CADPS: variants seen among roughly 807,000 people sequenced by gnomAD.
CADPS encodes the protein calcium-dependent secretion activator 1.
A neutral mutation model predicts 167.3 loss-of-function variants in CADPS; 57 were observed. The ratio of observed to expected loss-of-function variants is 0.34; its 90% CI spans 0.28 to 0.42. The LOEUF (loss-of-function observed/expected upper bound fraction) is 0.42. Among genes scored for constraint, CADPS ranks in the 20% least tolerant of loss-of-function variants. CADPS has a pLI of 1.00. For missense variants in CADPS, 1,414 were observed against 1,738.1 expected, an observed-to-expected ratio of 0.81 and a Z score of 3.32; for synonymous variants, 676 against 635.3, an observed-to-expected ratio of 1.06 and a Z score of -0.96.
chr3:62,529,726 T>C (rs1370056823), intron 13 of CADPS, among the ~76,000 whole-genome samples: 1 of 152,194 alleles, frequency 6.6e-6, no homozygotes, highest in Non-Finnish European at 1.5e-5. Flanking sequence ...AGTTTGCATT[T>C]TCATTTGGCC....
chr3:62,540,103 A>G (rs2075437432), intron 11 of CADPS, among the ~76,000 whole-genome samples: 1 of 152,156 alleles, frequency 6.6e-6, no homozygotes, highest in Admixed American at 6.6e-5. Flanking sequence ...TAGTGTTTGA[A>G]AAGCCAGTTT....
chr3:62,454,351 A>T (rs1283101144), intron 26 of CADPS, among the ~76,000 whole-genome samples: 1 of 152,196 alleles, frequency 6.6e-6, no homozygotes, highest in Non-Finnish European at 1.5e-5. Context: ...AATTTACAGT[A>T]TCTTATTCAC....
At position 62,491,130 on chromosome 3, in the gene CADPS, C is replaced by T. The variant is rs529422739; in HGVS notation, c.3026+209G>A. Among the ~76,000 whole-genome samples the T allele has an allele frequency of 2.6e-5, 4 of 152,184 alleles. No homozygotes were observed. The South Asian group carries it at 8.3e-4, about 32-fold the overall frequency. On this transcript the variant is annotated intron_variant, in intron 21 of 29. Coordinates refer to ENST00000383710, the MANE Select transcript of CADPS (RefSeq NM_003716.4). ...TTCATTTCATGAAACGTTTTTTCAG[C>T]CTCTTCCCCTACCCTACCCACCTCC...
intron 7 of CADPS, among the ~76,000 whole-genome samples, chr3:62,588,539 G>T (rs1432629888): frequency 6.6e-6 from 1 of 152,036 alleles, no homozygotes; most frequent in Non-Finnish European, 1.5e-5. Flanking sequence ...ATCAATTGGT[G>T]CATGCACTTT....
intron 24 of CADPS, among the ~76,000 whole-genome samples, chr3:62,473,031 C>T (rs2060813963): frequency 6.6e-6 from 1 of 152,314 alleles, no homozygotes; most frequent in Admixed American, 6.5e-5. Flanking sequence ...ACTCAATGAT[C>T]TGGGTGTTCA....
At chr3:62,856,014 A>G (rs988265461) in intron 1 of CADPS, among the ~76,000 whole-genome samples, 2 of 152,196 alleles carry the variant, frequency 1.3e-5, no homozygotes, top group Admixed American at 1.3e-4. Context: ...TTTCACAATA[A>G]TATGTCATTA....
At chr3:62,656,140 G>T (rs1286370766) in intron 4 of CADPS, among the ~76,000 whole-genome samples, 1 of 152,098 alleles carries the variant, frequency 6.6e-6, no homozygotes, top group Non-Finnish European at 1.5e-5. Flanking sequence ...ATCATAACAT[G>T]AATATGTTTT....
rs34584073 is a variant in CADPS, at chr3:62,561,078, C to CAAAA, written c.1645-3569_1645-3566dup. On this transcript the variant is annotated intron_variant, in intron 9 of 29. Transcript: ENST00000383710. ...TGGGAGAAAGAGCGAAACTCCATCTCAAAAAAAAAAAAAAAAAAAAGAGTG... is the reference window on the plus strand; with the variant it reads ...TGGGAGAAAGAGCGAAACTCCATCTCAAAAAAAAAAAAAAAAAAAAAAAAGAGTG... 1.7e-3 allele frequency among the ~76,000 whole-genome samples: 141 copies of CAAAA among 83,526 alleles called. 2 individuals carry two copies. Among genetic ancestry groups the CAAAA allele is most frequent in the African/African-American group, 6.7e-3 (131 of 19,652 alleles). The allele number at this position is 83,526 out of a possible 152,430, so 54.8% of individuals were successfully genotyped here. A position where few individuals can be genotyped will look rare whatever the true frequency, so the allele number is the denominator to read the frequency against.
At chr3:62,481,892 G>T (rs771692845) in intron 21 of CADPS, 23 bp from the exon 22 acceptor site, 3 of 1,596,652 alleles carry the variant, frequency 1.9e-6, no homozygotes, top group Non-Finnish European at 2.6e-6. Flanking sequence ...CAGACAGAAA[G>T]AAAAAATACC....
At position 62,661,443 on chromosome 3, in the gene CADPS, G is replaced by A. The variant is rs1223697371; in HGVS notation, c.969+871C>T. ...AGTGGGTATAAAGACACCAAGCCTG[G>A]AAAGGGCCTGGTATATTTGGAGGGA... On this transcript the variant is annotated intron_variant, in intron 4 of 29. Transcript: ENST00000383710. Among the ~76,000 whole-genome samples, 7 of 152,162 alleles carry A rather than the reference G, an allele frequency of 4.6e-5. No individual in the cohort carries two copies. The South Asian group carries it at 1.2e-3, about 27-fold the overall frequency.
chr3:62,832,875 T>A (rs73102785), intron 1 of CADPS, among the ~76,000 whole-genome samples: 17,027 of 152,310 alleles, frequency 0.11, 1,038 homozygotes, highest in Non-Finnish European at 0.13. Flanking sequence ...ATCTGCTTCA[T>A]GCTGGCTACA....
At chr3:62,434,721 TG>T (rs1185546131) in intron 28 of CADPS, among the ~76,000 whole-genome samples, 1 of 152,162 alleles carries the variant, frequency 6.6e-6, no homozygotes, top group Non-Finnish European at 1.5e-5. Context: ...CAGAGAGCAC[TG>T]GGTAGGGGCC....
At chr3:62,481,515 G>C (rs548725778) in intron 22 of CADPS, among the ~76,000 whole-genome samples, 1 of 152,314 alleles carries the variant, frequency 6.6e-6, no homozygotes, top group Non-Finnish European at 1.5e-5. Context: ...GTGGGCGTAA[G>C]ACAAATTGTT....
chr3:62,507,633 C>T (rs373264102), intron 17 of CADPS, among the ~76,000 whole-genome samples: 3 of 152,266 alleles, frequency 2.0e-5, no homozygotes, highest in South Asian at 4.1e-4. Flanking sequence ...GCAGCTTCAG[C>T]ATCACCTGGA....
chr3:62,812,873 T>C (rs2094451115), intron 1 of CADPS, among the ~76,000 whole-genome samples: 1 of 152,190 alleles, frequency 6.6e-6, no homozygotes, highest in African/African-American at 2.4e-5. Context: ...CCTGATTCTC[T>C]GACTTTCTGG....
At chr3:62,427,516 C>A (rs2052999350) in intron 28 of CADPS, among the ~76,000 whole-genome samples, 1 of 152,142 alleles carries the variant, frequency 6.6e-6, no homozygotes, top group Non-Finnish European at 1.5e-5. Context: ...AGGGGCTGTC[C>A]TGTGCACTAC....
chr3:62,706,538 T>C (rs1009822650), intron 3 of CADPS, among the ~76,000 whole-genome samples: 2 of 152,120 alleles, frequency 1.3e-5, no homozygotes, highest in Admixed American at 6.5e-5. Flanking sequence ...CTCCCAATAC[T>C]GGGCTGGAAG....
chr3:62,777,619 T>C (rs1247664200), intron 1 of CADPS, among the ~76,000 whole-genome samples: 1 of 152,138 alleles, frequency 6.6e-6, no homozygotes, highest in East Asian at 1.9e-4. Context: ...ATGTGAATGA[T>C]GGGGGAAACT....
chr3:62,598,600 A>G (rs918788010), intron 6 of CADPS, among the ~76,000 whole-genome samples: 1 of 152,210 alleles, frequency 6.6e-6, no homozygotes, highest in Admixed American at 6.5e-5. Context: ...ACAGCCATAC[A>G]TGCATTTGAT....
Sources: allele counts gnomAD v4.1 joint callset (sites outside exome capture counted in the v4.1 genomes callset), GRCh38; gene constraint gnomAD v4.1.1; transcripts MANE v1.5; gene names NCBI Gene and HGNC (gene_info 2026-07-23, HGNC 2026-07-21).